SAMD4A: variants seen among roughly 807,000 people sequenced by gnomAD.
SAMD4A encodes sterile alpha motif domain containing 4A, also known as protein Smaug homolog 1.
In SAMD4A, 33 loss-of-function variants were observed where a neutral mutation model predicts 81.3. The ratio of observed to expected loss-of-function variants is 0.41; its 90% CI spans 0.31 to 0.54. The LOEUF is 0.54. Ranked by LOEUF, SAMD4A falls within the 20% of genes least tolerant of loss-of-function variation. The pLI is 0.37. For missense variants in SAMD4A, 854 were observed against 951.1 expected, an observed-to-expected ratio of 0.90 and a Z score of 1.34; for synonymous variants, 389 against 382.1, an observed-to-expected ratio of 1.02 and a Z score of -0.21.
chr14:54,761,680 G>A (rs538626153), intron 7 of SAMD4A, among the ~76,000 whole-genome samples: 133 of 152,318 alleles, frequency 8.7e-4, no homozygotes, highest in African/African-American at 3.2e-3. Flanking sequence ...GCAGTGCACA[G>A]CCTGCACATC....
At chr14:54,606,253 T>C (rs1566543978) in intron 2 of SAMD4A, among the ~76,000 whole-genome samples, 2 of 151,736 alleles carry the variant, frequency 1.3e-5, no homozygotes, top group African/African-American at 4.8e-5. Flanking sequence ...ATTTCTGCAA[T>C]GCTACTTCCT....
chr14:54,755,338 G>C (rs960872279), intron 6 of SAMD4A, among the ~76,000 whole-genome samples: 4 of 152,188 alleles, frequency 2.6e-5, no homozygotes, highest in Middle Eastern at 3.2e-3. Flanking sequence ...GCAAGTCAGT[G>C]GCCGGAAGAG....
At chr14:54,753,069 C>T (rs931162031) in intron 6 of SAMD4A, among the ~76,000 whole-genome samples, 19 of 152,202 alleles carry the variant, frequency 1.2e-4, no homozygotes, top group Admixed American at 4.6e-4. Context: ...GGTTTTATAA[C>T]GAGACATTCA....
chr14:54,705,309 C>T (rs2036825166), intron 3 of SAMD4A, among the ~76,000 whole-genome samples: 1 of 152,264 alleles, frequency 6.6e-6, no homozygotes, highest in Non-Finnish European at 1.5e-5. Flanking sequence ...ACCCTGAGCC[C>T]AGAGCCATGC....
At chr14:54,746,740 T>C (rs1470011678) in intron 4 of SAMD4A, among the ~76,000 whole-genome samples, 3 of 152,244 alleles carry the variant, frequency 2.0e-5, no homozygotes, top group African/African-American at 7.2e-5. Context: ...AAGAGCCTGC[T>C]ACCTTCTCTT....
rs1017575798 is a variant in SAMD4A at position 54,754,910 on chromosome 14, T to A, written c.1176+3373T>A. ...TTGGAGATTAACCGTGAGTCATACA[T>A]GGTTCCTGCAATGGGGAGCTGGGGA... On this transcript the variant is annotated intron_variant, in intron 6 of 12. Coordinates refer to ENST00000554335, the MANE Select transcript of SAMD4A (RefSeq NM_015589.6). 5 of 932,592 alleles carry A rather than the reference T, an allele frequency of 5.4e-6. No homozygotes were observed. In the African/African-American group the frequency reaches 8.9e-5, roughly 17 times the overall value. The allele number at this position is 932,592 out of a possible 1,614,324, so 57.8% of individuals were successfully genotyped here. A position where few individuals can be genotyped will look rare whatever the true frequency, so the allele number is the denominator to read the frequency against.
chr14:54,698,206 AC>A (rs2036622627), intron 2 of SAMD4A, among the ~76,000 whole-genome samples: 1 of 152,164 alleles, frequency 6.6e-6, no homozygotes, highest in Admixed American at 6.5e-5. Flanking sequence ...TTTTTATTAT[AC>A]TTCTGTTGCT....
intron 2 of SAMD4A, among the ~76,000 whole-genome samples, chr14:54,574,743 C>A (rs954221876): frequency 1.3e-5 from 2 of 152,190 alleles, no homozygotes; most frequent in African/African-American, 2.4e-5. Flanking sequence ...TGCTTTGACT[C>A]TAACTAGCGT....
intron 3 of SAMD4A, among the ~76,000 whole-genome samples, chr14:54,729,279 T>G (rs989824841): frequency 1.3e-5 from 2 of 152,170 alleles, no homozygotes; most frequent in African/African-American, 4.8e-5. Flanking sequence ...CTGTATTGCA[T>G]AAACCTCAGA....
intron 2 of SAMD4A, among the ~76,000 whole-genome samples, chr14:54,676,409 A>G (rs2035995300): frequency 6.6e-6 from 1 of 151,982 alleles, no homozygotes; most frequent in African/African-American, 2.4e-5. Context: ...GTCTTGCTCT[A>G]TCACCCAGGC....
At chr14:54,686,632 T>C (rs1194837231) in intron 2 of SAMD4A, among the ~76,000 whole-genome samples, 1 of 151,476 alleles carries the variant, frequency 6.6e-6, no homozygotes, top group Non-Finnish European at 1.5e-5. Flanking sequence ...AAGGAGAGTA[T>C]TATGAATGTG....
At chr14:54,771,927 T>G (rs2038716638) in intron 9 of SAMD4A, among the ~76,000 whole-genome samples, 1 of 152,226 alleles carries the variant, frequency 6.6e-6, no homozygotes, top group Non-Finnish European at 1.5e-5. Context: ...TGTTTGTTAG[T>G]AACACTTGGA....
At chr14:54,614,832 C>T (rs573953687) in intron 2 of SAMD4A, among the ~76,000 whole-genome samples, 34 of 152,242 alleles carry the variant, frequency 2.2e-4, no homozygotes, top group African/African-American at 7.9e-4. Context: ...TAGAGAGAGA[C>T]CTGTGACATG....
At chr14:54,709,827 G>A (rs1482753381) in intron 3 of SAMD4A, among the ~76,000 whole-genome samples, 1 of 152,108 alleles carries the variant, frequency 6.6e-6, no homozygotes, top group East Asian at 1.9e-4. Context: ...CCTGTCTAAG[G>A]TCTGTTATAG....
At chr14:54,639,286 CTGT>C (rs1170557608) in intron 2 of SAMD4A, among the ~76,000 whole-genome samples, 13 of 152,202 alleles carry the variant, frequency 8.5e-5, no homozygotes, top group African/African-American at 2.4e-4. Flanking sequence ...GCTGCTGCTG[CTGT>C]TGTTACAATC....
chr14:54,731,586 A>G (rs2037559695), intron 3 of SAMD4A, among the ~76,000 whole-genome samples: 1 of 152,224 alleles, frequency 6.6e-6, no homozygotes, highest in Non-Finnish European at 1.5e-5. Flanking sequence ...TATAAGGTTT[A>G]GTTGTGCTAG....
chr14:54,676,982 G>T (rs1307782716), intron 2 of SAMD4A, among the ~76,000 whole-genome samples: 3 of 152,242 alleles, frequency 2.0e-5, no homozygotes, highest in Admixed American at 6.5e-5. Flanking sequence ...AGTCAGGTTT[G>T]TTGTTCCTGC....
intron 2 of SAMD4A, among the ~76,000 whole-genome samples, chr14:54,568,741 A>G (rs1393616624): frequency 1.9e-5 from 2 of 107,576 alleles, no homozygotes; most frequent in East Asian, 5.8e-4. Context: ...ATATATATAT[A>G]ATGCGGTTAA....
At chr14:54,699,408 C>A (rs1363161343) in intron 2 of SAMD4A, among the ~76,000 whole-genome samples, 1 of 152,136 alleles carries the variant, frequency 6.6e-6, no homozygotes, top group Non-Finnish European at 1.5e-5. Flanking sequence ...TCTGTGCCCT[C>A]CTGCCAGCCT....
Sources: gnomAD v4.1 joint callset for allele counts (sites outside exome capture counted in the v4.1 genomes callset) on GRCh38, gnomAD v4.1.1 for gene constraint, MANE v1.5 for transcripts, NCBI Gene and HGNC (gene_info 2026-07-23, HGNC 2026-07-21) for gene names.